The following ENTREP2 variants were observed in gnomAD, a reference collection of about 807,000 sequenced individuals.
The protein encoded by ENTREP2 is endosomal transmembrane epsin interactor 2.
the ENTREP2 span, among the ~76,000 whole-genome samples, chr15:29,616,796 T>C: frequency 6.6e-6 from 1 of 152,154 alleles, no homozygotes; most frequent in Non-Finnish European, 1.5e-5. Context: ...ATTTAGGGGC[T>C]GGGCATGGTG....
chr15:29,379,419 C>T, the ENTREP2 span, among the ~76,000 whole-genome samples: 1 of 152,176 alleles, frequency 6.6e-6, no homozygotes. Context: ...AACCTCCCTA[C>T]ATAAGGCAAG....
the ENTREP2 span, among the ~76,000 whole-genome samples, chr15:29,210,619 C>G: frequency 6.6e-6 from 1 of 152,182 alleles, no homozygotes; most frequent in African/African-American, 2.4e-5. Flanking sequence ...CATCTGAAAC[C>G]ATCCCTGACC....
chr15:29,215,468 A>C, the ENTREP2 span, among the ~76,000 whole-genome samples: 1 of 152,020 alleles, frequency 6.6e-6, no homozygotes, highest in Admixed American at 6.6e-5. Context: ...TTGGACTCCA[A>C]GTTCTTCAGT....
the ENTREP2 span, among the ~76,000 whole-genome samples, chr15:29,672,035 G>A: frequency 6.6e-6 from 1 of 152,198 alleles, no homozygotes; most frequent in Non-Finnish European, 1.5e-5. Context: ...CGCCCAGGCT[G>A]GAGTGCAGTG....
chr15:29,234,664 G>C, the ENTREP2 span: 3 of 1,565,386 alleles, frequency 1.9e-6, no homozygotes, highest in Non-Finnish European at 2.6e-6. Flanking sequence ...CACCACAAGA[G>C]AGAAAAGTGT....
At chr15:29,634,009 G>T in the ENTREP2 span, among the ~76,000 whole-genome samples, 1 of 152,038 alleles carries the variant, frequency 6.6e-6, no homozygotes, top group Admixed American at 6.6e-5. Flanking sequence ...ACTGCTCGGG[G>T]TCTTACCTGG....
chr15:29,650,723 G>A, the ENTREP2 span, among the ~76,000 whole-genome samples: 5 of 152,220 alleles, frequency 3.3e-5, no homozygotes, highest in African/African-American at 7.2e-5. Context: ...CCAGCTACTC[G>A]GGAGCTTTTC....
chr15:29,480,561 G>A, the ENTREP2 span, among the ~76,000 whole-genome samples: 1 of 152,004 alleles, frequency 6.6e-6, no homozygotes, highest in Admixed American at 6.6e-5. Context: ...GCCGGATGTG[G>A]TGGAAGGAAG....
At chr15:29,582,546 G>A in the ENTREP2 span, among the ~76,000 whole-genome samples, 77,333 of 151,974 alleles carry the variant, frequency 0.51, 21,951 homozygotes, top group Non-Finnish European at 0.65. Context: ...GATCCAACAT[G>A]TGGCTGAAAG....
At chr15:29,219,623 ATATATATATATAT>A in the ENTREP2 span, among the ~76,000 whole-genome samples, 3 of 16,712 alleles carry the variant, frequency 1.8e-4, no homozygotes, top group South Asian at 3.4e-3. Context: ...AAATATATAT[ATATATATATATAT>A]ATATATATAT....
chr15:29,254,805 C>T, the ENTREP2 span, among the ~76,000 whole-genome samples: 50 of 152,206 alleles, frequency 3.3e-4, no homozygotes, highest in African/African-American at 1.1e-3. Flanking sequence ...TGCAGTGAGC[C>T]GAGATCTCCA....
At chr15:29,597,024 C>G in the ENTREP2 span, among the ~76,000 whole-genome samples, 70,286 of 151,044 alleles carry the variant, frequency 0.47, 16,999 homozygotes, top group Non-Finnish European at 0.54. Context: ...CTGTAAAGTT[C>G]ATAGAAATCC....
chr15:29,549,747 T>A, the ENTREP2 span, among the ~76,000 whole-genome samples: 3 of 152,138 alleles, frequency 2.0e-5, no homozygotes, highest in East Asian at 1.9e-4. Flanking sequence ...ATGACCATGA[T>A]TAAATGTCTA....
the ENTREP2 span, among the ~76,000 whole-genome samples, chr15:29,552,397 T>C: frequency 6.6e-6 from 1 of 151,898 alleles, no homozygotes; most frequent in Non-Finnish European, 1.5e-5. Flanking sequence ...CTCTAAACCG[T>C]CCAAAGCACC....
the ENTREP2 span, among the ~76,000 whole-genome samples, chr15:29,335,689 C>T: frequency 6.6e-6 from 1 of 152,122 alleles, no homozygotes. Context: ...GGTCAGCCAC[C>T]TTGGGGTCAG....
chr15:29,126,427 G>C, the ENTREP2 span: 21 of 1,549,940 alleles, frequency 1.4e-5, no homozygotes, highest in South Asian at 2.5e-4. Context: ...GGCCATCGGG[G>C]GATGGGCTGG....
the ENTREP2 span, among the ~76,000 whole-genome samples, chr15:29,203,682 G>A: frequency 1.3e-5 from 2 of 152,228 alleles, no homozygotes; most frequent in African/African-American, 4.8e-5. Context: ...TTGTGAAATA[G>A]ATCACTAAAA....
chr15:29,261,033 C>T, the ENTREP2 span, among the ~76,000 whole-genome samples: 48 of 152,056 alleles, frequency 3.2e-4, no homozygotes, highest in Admixed American at 1.1e-3. Context: ...AAATAGATTA[C>T]GCAATAAAAA....
At chr15:29,538,050 A>G in the ENTREP2 span, among the ~76,000 whole-genome samples, 774 of 152,240 alleles carry the variant, frequency 5.1e-3, 3 homozygotes, top group African/African-American at 0.018. Flanking sequence ...TGGATTTAAC[A>G]ATACGTTTTA....
Sources: allele counts gnomAD v4.1 joint callset (sites outside exome capture counted in the v4.1 genomes callset), GRCh38; gene constraint gnomAD v4.1.1; transcripts MANE v1.5; gene names NCBI Gene and HGNC (gene_info 2026-07-23, HGNC 2026-07-21).